Variants in RIMS2 observed in about 807,000 individuals in gnomAD.
RIMS2 encodes the protein regulating synaptic membrane exocytosis protein 2.
A neutral mutation model predicts 174.4 loss-of-function variants in RIMS2; 59 were observed. The observed-to-expected ratio is 0.34, with a 90% CI of 0.27 to 0.42. The LOEUF (loss-of-function observed/expected upper bound fraction) is 0.42. Ranked by LOEUF, RIMS2 falls within the 10% of genes least tolerant of loss-of-function variation. The pLI, the probability that RIMS2 is intolerant of heterozygous loss-of-function variation, is 1.00. For synonymous variants in RIMS2, 606 were observed against 572.5 expected (o/e 1.06, Z -0.84); for missense variants, 1,620 against 1,666.3 (o/e 0.97, Z 0.48).
chr8:104,116,176 T>G (rs2132039197), intron 19 of RIMS2, among the ~76,000 whole-genome samples: 1 of 152,354 alleles, frequency 6.6e-6, no homozygotes, highest in East Asian at 1.9e-4. Flanking sequence ...TGGTGGTTAA[T>G]AATTTCACTG....
intron 19 of RIMS2, among the ~76,000 whole-genome samples, chr8:104,118,997 A>T (rs953731577): frequency 3.9e-5 from 6 of 152,056 alleles, no homozygotes; most frequent in African/African-American, 1.4e-4. Flanking sequence ...GATTTATGGT[A>T]TCACCAGGAA....
chr8:103,933,082 G>C (rs1278982372), intron 12 of RIMS2, among the ~76,000 whole-genome samples: 1 of 152,060 alleles, frequency 6.6e-6, no homozygotes, highest in African/African-American at 2.4e-5. Flanking sequence ...CACGAGGTCA[G>C]GAGATCGAGC....
At chr8:103,885,537 A>G in exon 4 of RIMS2, 2 of 1,612,124 alleles carry the variant, frequency 1.2e-6, no homozygotes, top group Non-Finnish European at 1.7e-6. Context: ...GATGATGAGG[A>G]TGTGGAAAGC....
At chr8:103,684,640 G>A (rs1285147211) in intron 1 of RIMS2, among the ~76,000 whole-genome samples, 3 of 151,260 alleles carry the variant, frequency 2.0e-5, no homozygotes, top group African/African-American at 7.3e-5. Flanking sequence ...AGGTTGGAGT[G>A]CAGTGGTGTG....
intron 1 of RIMS2, among the ~76,000 whole-genome samples, chr8:103,550,854 T>C (rs1847483586): frequency 6.6e-6 from 1 of 151,094 alleles, no homozygotes; most frequent in African/African-American, 2.4e-5. Flanking sequence ...GTAGAAAATC[T>C]AGAAGAAATG....
chr8:104,064,150 G>A (rs1309701483), intron 19 of RIMS2, among the ~76,000 whole-genome samples: 1 of 151,870 alleles, frequency 6.6e-6, no homozygotes, highest in Non-Finnish European at 1.5e-5. Flanking sequence ...AACTTTCTGG[G>A]CACACTAAAT....
At chr8:103,638,362 C>T (rs2096140017) in intron 1 of RIMS2, among the ~76,000 whole-genome samples, 1 of 152,114 alleles carries the variant, frequency 6.6e-6, no homozygotes, top group Non-Finnish European at 1.5e-5. Context: ...TTACCTGCAA[C>T]AGTTACTACT....
chr8:103,780,174 C>G (rs2098372082), intron 3 of RIMS2, among the ~76,000 whole-genome samples: 1 of 152,122 alleles, frequency 6.6e-6, no homozygotes, highest in Admixed American at 6.6e-5. Context: ...TTAGGATCCT[C>G]TCTTTATCCT....
chr8:103,724,105 TGAGGGAGGG>T (rs775698795), intron 2 of RIMS2, among the ~76,000 whole-genome samples: 9 of 138,194 alleles, frequency 6.5e-5, no homozygotes, highest in Non-Finnish European at 1.4e-4. Flanking sequence ...TGCAGGGATG[TGAGGGAGGG>T]GTGATGTAAA....
intron 19 of RIMS2, among the ~76,000 whole-genome samples, chr8:104,217,259 CTTGTTTTT>C (rs148398926): frequency 0.17 from 24,649 of 145,834 alleles, 2,921 homozygotes; most frequent in East Asian, 0.52. Flanking sequence ...CTGTGAATAT[CTTGTTTTT>C]TTGTTTTTTT....
intron 1 of RIMS2, among the ~76,000 whole-genome samples, chr8:103,570,929 G>T (rs2092760074): frequency 6.6e-6 from 1 of 152,102 alleles, no homozygotes; most frequent in Non-Finnish European, 1.5e-5. Context: ...AAAAGCTATT[G>T]TTTTTACTGT....
intron 3 of RIMS2, among the ~76,000 whole-genome samples, chr8:103,806,605 A>C (rs1210558190): frequency 6.6e-6 from 1 of 151,850 alleles, no homozygotes; most frequent in Non-Finnish European, 1.5e-5. Flanking sequence ...TGGAAGGAGC[A>C]TGATATTATT....
intron 1 of RIMS2, among the ~76,000 whole-genome samples, chr8:103,608,687 C>T (rs927450566): frequency 1.3e-5 from 2 of 152,006 alleles, no homozygotes; most frequent in Admixed American, 6.6e-5. Context: ...AGGATATAAT[C>T]TCATGGTGCG....
chr8:103,992,976 C>T (rs943464780), intron 17 of RIMS2, among the ~76,000 whole-genome samples: 3 of 152,024 alleles, frequency 2.0e-5, no homozygotes, highest in East Asian at 3.9e-4. Flanking sequence ...TAGCCAGGCA[C>T]GGTGGCAGAT....
chr8:103,901,266 T>C (rs1329098656), intron 4 of RIMS2, among the ~76,000 whole-genome samples: 1 of 152,058 alleles, frequency 6.6e-6, no homozygotes, highest in East Asian at 1.9e-4. Flanking sequence ...CTTTAGCAAA[T>C]GGAGGGGCAT....
intron 3 of RIMS2, among the ~76,000 whole-genome samples, chr8:103,809,097 A>G (rs796834658): frequency 6.6e-6 from 1 of 152,020 alleles, no homozygotes; most frequent in African/African-American, 2.4e-5. Flanking sequence ...CAGCTATTTG[A>G]TTTCTCCCTG....
At chr8:103,575,014 G>A (rs1464004396) in intron 1 of RIMS2, among the ~76,000 whole-genome samples, 1 of 152,172 alleles carries the variant, frequency 6.6e-6, no homozygotes, top group East Asian at 1.9e-4. Flanking sequence ...CCACAAGAAT[G>A]TGTCCCTTTT....
intron 16 of RIMS2, among the ~76,000 whole-genome samples, chr8:103,980,717 G>A (rs1245786163): frequency 6.6e-6 from 1 of 152,166 alleles, no homozygotes; most frequent in Non-Finnish European, 1.5e-5. Flanking sequence ...GTGAGTCACA[G>A]GCCTGGCAGC....
At chr8:104,110,103 T>C (rs1470853299) in intron 19 of RIMS2, among the ~76,000 whole-genome samples, 1 of 152,138 alleles carries the variant, frequency 6.6e-6, no homozygotes, top group Non-Finnish European at 1.5e-5. Flanking sequence ...AAATAATAGT[T>C]CCCATTGGTA....
Sources: gnomAD v4.1 joint callset for allele counts (sites outside exome capture counted in the v4.1 genomes callset) on GRCh38, gnomAD v4.1.1 for gene constraint, MANE v1.5 for transcripts, NCBI Gene and HGNC (gene_info 2026-07-23, HGNC 2026-07-21) for gene names.